Variants in MYOF observed in about 807,000 individuals in gnomAD.
MYOF encodes the protein fer-1-like 3, myoferlin.
MYOF carries 244 observed loss-of-function variants against 284.2 expected under a neutral mutation model. The observed-to-expected ratio is 0.86, with a 90% CI of 0.77 to 0.95. MYOF has a LOEUF of 0.95. MYOF is among the 40% of genes least tolerant of loss of function. The probability of loss-of-function intolerance (pLI) is 0.00; values close to 1 mark genes in which losing one functional copy is unlikely to be tolerated. For missense variants in MYOF, 2,496 were observed against 2,560.6 expected, an observed-to-expected ratio of 0.97 and a Z score of 0.54; for synonymous variants, 904 against 919.7, an observed-to-expected ratio of 0.98 and a Z score of 0.31.
At chr10:93,368,244 A>G (rs1472664466) in intron 25 of MYOF, among the ~76,000 whole-genome samples, 1 of 152,004 alleles carries the variant, frequency 6.6e-6, no homozygotes, top group Non-Finnish European at 1.5e-5. Context: ...CCTCCAGCAC[A>G]CCCTCTATCT....
chr10:93,430,251 G>C (rs2134212636), intron 4 of MYOF, among the ~76,000 whole-genome samples: 1 of 151,782 alleles, frequency 6.6e-6, no homozygotes, highest in African/African-American at 2.4e-5. Context: ...CTTATTGAGA[G>C]AGGCTGTGAC....
intron 23 of MYOF, 112 bp downstream of exon 23, chr10:93,374,651 T>C (rs550132961): frequency 9.0e-7 from 1 of 1,108,396 alleles, no homozygotes; most frequent in South Asian, 1.7e-5. Flanking sequence ...TCAGAGCTGC[T>C]CAATATCCAA....
intron 3 of MYOF, among the ~76,000 whole-genome samples, chr10:93,448,467 G>A (rs564620833): frequency 2.6e-5 from 4 of 152,200 alleles, no homozygotes; most frequent in Non-Finnish European, 4.4e-5. Flanking sequence ...ATATTTTTTA[G>A]TGTATTTGTT....
chr10:93,336,412 T>C (rs1843609408), intron 40 of MYOF, among the ~76,000 whole-genome samples: 1 of 152,184 alleles, frequency 6.6e-6, no homozygotes, highest in Non-Finnish European at 1.5e-5. Flanking sequence ...GGAAAAACTA[T>C]GAATACACAC....
intron 27 of MYOF, 76 bp downstream of exon 27, chr10:93,363,885 A>G (rs1285361688): frequency 2.1e-5 from 28 of 1,321,296 alleles, no homozygotes; most frequent in Non-Finnish European, 2.5e-5. Context: ...AGCCCAAGCC[A>G]GGTGGCTGCT....
At chr10:93,350,400 C>A (rs547238495) in intron 35 of MYOF, among the ~76,000 whole-genome samples, 1 of 152,182 alleles carries the variant, frequency 6.6e-6, no homozygotes, top group South Asian at 2.1e-4. Flanking sequence ...GCAACCTCCA[C>A]CCCCTGAGTT....
chr10:93,348,741 C>A (rs1013948140), intron 36 of MYOF, among the ~76,000 whole-genome samples: 2 of 152,036 alleles, frequency 1.3e-5, no homozygotes, highest in South Asian at 4.1e-4. Flanking sequence ...CACTTGCTAG[C>A]GACATCCCCT....
At chr10:93,367,702 C>T (rs1004542282) in intron 25 of MYOF, among the ~76,000 whole-genome samples, 2 of 151,768 alleles carry the variant, frequency 1.3e-5, no homozygotes, top group Non-Finnish European at 2.9e-5. Context: ...ATGGGAGCCT[C>T]AAGTGGCTTT....
chr10:93,389,371 A>G (rs1326183877), intron 17 of MYOF, among the ~76,000 whole-genome samples: 2 of 152,226 alleles, frequency 1.3e-5, no homozygotes, highest in Admixed American at 6.5e-5. Flanking sequence ...GCGCAGATAA[A>G]CTTATTTTTA....
chr10:93,478,331 C>T, intron 1 of MYOF: 1 of 192,032 alleles, frequency 5.2e-6, no homozygotes, highest in Non-Finnish European at 1.1e-5. Context: ...CCCTGGCTCA[C>T]AGGCACTCAC....
chr10:93,456,704 G>C (rs893523240), intron 2 of MYOF, among the ~76,000 whole-genome samples, 178 bp downstream of exon 2: 2 of 152,174 alleles, frequency 1.3e-5, no homozygotes, highest in African/African-American at 2.4e-5. Flanking sequence ...ATGGTCGCTG[G>C]TGAGCTACTC....
chr10:93,308,278 T>C (rs1371788685), intron 53 of MYOF, among the ~76,000 whole-genome samples: 1 of 149,646 alleles, frequency 6.7e-6, no homozygotes, highest in Non-Finnish European at 1.5e-5. Context: ...AGAAGTTTTT[T>C]AAATGGTCAA....
At chr10:93,400,141 A>G (rs184712614) in intron 12 of MYOF, among the ~76,000 whole-genome samples, 11 of 152,300 alleles carry the variant, frequency 7.2e-5, no homozygotes, top group Non-Finnish European at 1.3e-4. Flanking sequence ...CCTGCTTTCA[A>G]TTGGGAGAAA....
At position 93,323,142 on chromosome 10, in the gene MYOF, T is replaced by C. The variant is rs1483862550; in HGVS notation, c.5392A>G (p.Lys1798Glu). 2 of 1,614,128 alleles carry C rather than the reference T, an allele frequency of 1.2e-6. No individual in the cohort carries two copies. Among genetic ancestry groups the C allele is most frequent in the East Asian group, 2.2e-5 (1 of 44,886 alleles). ...CTTTTCTCGTCCAAGATAACGTCCT[T>C]GGTGTTCCAGATGATCACACGCAGG... is the stretch of plus-strand genomic sequence containing the variant. ...YYLRVIIWNT[K>E]DVILDEKSIT... is the part of the protein sequence containing the mutation. The change falls in exon 48 of 54, where the codon AAG becomes GAG. Residue 1798 changes from lysine (K) to glutamate (E), a missense_variant. Transcript: ENST00000359263.
intron 22 of MYOF, 72 bp downstream of exon 22, chr10:93,377,251 G>T: frequency 9.1e-7 from 1 of 1,095,004 alleles, no homozygotes; most frequent in Non-Finnish European, 1.4e-6. Flanking sequence ...AATTCCACAG[G>T]ATTTACAGTC....
At chr10:93,319,634 A>T (rs977098901) in intron 49 of MYOF, among the ~76,000 whole-genome samples, 1 of 152,082 alleles carries the variant, frequency 6.6e-6, no homozygotes, top group African/African-American at 2.4e-5. Flanking sequence ...CTTCGCCACC[A>T]GTATGTGAGT....
At chr10:93,480,718 C>T (rs1201291189) in intron 1 of MYOF, among the ~76,000 whole-genome samples, 3 of 152,076 alleles carry the variant, frequency 2.0e-5, no homozygotes, top group African/African-American at 7.2e-5. Context: ...TCATGTGATC[C>T]ACCCACCTCA....
intron 5 of MYOF, among the ~76,000 whole-genome samples, chr10:93,423,840 A>C (rs542975356): frequency 6.6e-6 from 1 of 151,988 alleles, no homozygotes; most frequent in African/African-American, 2.4e-5. Context: ...CTAAAAAAAA[A>C]AAAAACAAAC....
intron 1 of MYOF, among the ~76,000 whole-genome samples, chr10:93,460,750 G>A (rs1431244624): frequency 3.8e-5 from 5 of 130,004 alleles, no homozygotes; most frequent in African/African-American, 1.5e-4. Context: ...CTGGGCAACA[G>A]AGCAAGACCC....
Sources: gnomAD v4.1 joint callset for allele counts (sites outside exome capture counted in the v4.1 genomes callset) on GRCh38, gnomAD v4.1.1 for gene constraint, MANE v1.5 for transcripts, NCBI Gene and HGNC (gene_info 2026-07-23, HGNC 2026-07-21) for gene names.